NUP210L: variants seen among roughly 807,000 people sequenced by gnomAD.
The protein encoded by NUP210L is nucleoporin 210 like.
In NUP210L, 74 loss-of-function variants were observed where a neutral mutation model predicts 208.5. That is an observed-to-expected ratio of 0.35 (90% CI 0.29 to 0.43). The LOEUF (loss-of-function observed/expected upper bound fraction) is 0.43, where lower values mean the gene tolerates loss of function less well. Among genes scored for constraint, NUP210L ranks in the 20% least tolerant of loss-of-function variants. The pLI is 1.00. For synonymous variants in NUP210L, 780 were observed against 816.9 expected, an observed-to-expected ratio of 0.95 and a Z score of 0.77; for missense variants, 1,843 against 2,289.4, an observed-to-expected ratio of 0.81 and a Z score of 3.98.
At chr1:154,116,984 C>T (rs1300929942) in intron 12 of NUP210L, among the ~76,000 whole-genome samples, 2 of 152,130 alleles carry the variant, frequency 1.3e-5, no homozygotes, top group Admixed American at 1.3e-4. Flanking sequence ...TTTCAGTGAT[C>T]ATGTCTATAG....
At chr1:154,032,157 A>G (rs2147945563) in intron 27 of NUP210L, among the ~76,000 whole-genome samples, 1 of 152,328 alleles carries the variant, frequency 6.6e-6, no homozygotes, top group Admixed American at 6.5e-5. Context: ...TAGTGCTGCA[A>G]TAAATATGAG....
At chr1:154,068,978 TAATAA>T (rs770514394) in intron 17 of NUP210L, among the ~76,000 whole-genome samples, 1 of 151,904 alleles carries the variant, frequency 6.6e-6, no homozygotes, top group Non-Finnish European at 1.5e-5. Flanking sequence ...AGTATAATAA[TAATAA>T]AATAAAAAAA....
chr1:154,085,342 T>C (rs1658389561), intron 16 of NUP210L, among the ~76,000 whole-genome samples: 1 of 150,092 alleles, frequency 6.7e-6, no homozygotes, highest in South Asian at 2.1e-4. Flanking sequence ...AGAGCAAGAC[T>C]CCATCTCAAA....
intron 38 of NUP210L, 61 bp from the exon 39 acceptor site, chr1:153,993,150 C>A: frequency 1.8e-6 from 2 of 1,107,886 alleles, no homozygotes; most frequent in South Asian, 2.8e-5. Flanking sequence ...AAGGCAAAGT[C>A]AACTCTAGAA....
chr1:154,140,666 C>CAAAAAAAAAAAAAAAAAAAAAAAAA (rs1434093544), intron 4 of NUP210L, among the ~76,000 whole-genome samples: 13 of 102,410 alleles, frequency 1.3e-4, no homozygotes, highest in Non-Finnish European at 2.4e-4. Flanking sequence ...GACTCCATCT[C>CAAAAAAAAAAAAAAAAAAAAAAAAA]AAAAAAAAAA....
In NUP210L at chr1:154,040,592, T is replaced by TC. The variant is rs535979739; in HGVS notation, c.3696+5476_3696+5477insG. Among the ~76,000 whole-genome samples, 267 of 140,418 alleles carry TC rather than the reference T, an allele frequency of 1.9e-3. 1 individual carries two copies. Among genetic ancestry groups the TC allele is most frequent in the African/African-American group, 7.1e-3 (257 of 36,398 alleles). The allele number at this position is 140,418 out of a possible 152,430, so 92.1% of individuals were successfully genotyped here. On this transcript the variant is annotated intron_variant, in intron 27 of 39. Transcript: ENST00000368559. Reference sequence around the variant, plus strand: ...AAGCCTCCCTAAGATTCTTTCTTTCTTTTTTTTTTTTTGAGATGGAGTCTC... The same window carrying TC: ...AAGCCTCCCTAAGATTCTTTCTTTCTCTTTTTTTTTTTTGAGATGGAGTCTC...
intron 2 of NUP210L, among the ~76,000 whole-genome samples, chr1:154,146,908 C>T (rs775221246): frequency 6.6e-6 from 1 of 152,078 alleles, no homozygotes; most frequent in Admixed American, 6.6e-5. Flanking sequence ...ACTGCAGCCT[C>T]GAACTCCTGG....
intron 27 of NUP210L, among the ~76,000 whole-genome samples, chr1:154,045,429 T>C (rs1280056745): frequency 6.6e-6 from 1 of 152,212 alleles, no homozygotes; most frequent in African/African-American, 2.4e-5. Flanking sequence ...ATATTCATAG[T>C]GTTACTCATC....
chr1:154,058,050 A>G, intron 22 of NUP210L, 39 bp downstream of exon 22: 1 of 1,611,430 alleles, frequency 6.2e-7, no homozygotes, highest in South Asian at 1.1e-5. Context: ...GAGTCTTATG[A>G]TATGCAGAGT....
exon 34 of NUP210L, chr1:154,012,325 T>G: frequency 1.2e-6 from 2 of 1,613,874 alleles, no homozygotes; most frequent in Non-Finnish European, 1.7e-6. Flanking sequence ...AGATAAGTCT[T>G]GAGGTCATAA....
chr1:154,024,933 T>TG (rs1651779300), intron 30 of NUP210L, among the ~76,000 whole-genome samples: 1 of 88,198 alleles, frequency 1.1e-5, no homozygotes, highest in African/African-American at 3.4e-5. Flanking sequence ...TTTTTTTTTT[T>TG]TTTTTTTTTT....
chr1:154,007,271 A>AT (rs35804256), intron 35 of NUP210L, among the ~76,000 whole-genome samples: 1 of 150,090 alleles, frequency 6.7e-6, no homozygotes, highest in Non-Finnish European at 1.5e-5. Flanking sequence ...TTATATATAT[A>AT]TTTTTTTTGA....
chr1:154,042,603 A>G (rs1309606486), intron 27 of NUP210L, among the ~76,000 whole-genome samples: 5 of 144,138 alleles, frequency 3.5e-5, no homozygotes, highest in East Asian at 2.1e-4. Context: ...ATGTTTTTGT[A>G]TTTTTTAGTA....
At chr1:154,125,916 C>T (rs1047865056) in intron 10 of NUP210L, among the ~76,000 whole-genome samples, 3 of 150,804 alleles carry the variant, frequency 2.0e-5, no homozygotes, top group Admixed American at 6.6e-5. Flanking sequence ...TACAGGCGCC[C>T]GCCACCGCGC....
intron 8 of NUP210L, among the ~76,000 whole-genome samples, chr1:154,128,083 C>T (rs1166911144): frequency 1.3e-5 from 2 of 151,960 alleles, no homozygotes; most frequent in African/African-American, 4.8e-5. Flanking sequence ...ACACTGGTCT[C>T]GAACTCCTCA....
chr1:154,143,893 A>C lies in NUP210L; in HGVS notation c.341-316T>G, dbSNP rs1052266254. On this transcript the variant is annotated intron_variant, in intron 2 of 39. Transcript: ENST00000368559. The stretch of plus-strand genomic sequence containing the variant: ...AACAAATAAAAATTTTAAAATAGCG[A>C]ATAATAGGTCTTGCATGGTGGCTCA... 4.6e-5 allele frequency among the ~76,000 whole-genome samples: 7 copies of C among 152,286 alleles called. No individual in the cohort carries two copies. The East Asian group carries it at 1.4e-3, about 29-fold the overall frequency.
intron 16 of NUP210L, among the ~76,000 whole-genome samples, chr1:154,071,272 T>A (rs571044216): frequency 2.0e-4 from 31 of 151,986 alleles, no homozygotes; most frequent in African/African-American, 4.1e-4. Context: ...AACTTTTTTT[T>A]AATTTTTATT....
chr1:154,153,712 C>T (rs1659531029), intron 1 of NUP210L, among the ~76,000 whole-genome samples: 1 of 152,210 alleles, frequency 6.6e-6, no homozygotes, highest in Non-Finnish European at 1.5e-5. Context: ...TCCCAAAGTG[C>T]TGGGATTACA....
At chr1:154,136,822 C>T (rs1022452364) in intron 6 of NUP210L, among the ~76,000 whole-genome samples, 4 of 139,146 alleles carry the variant, frequency 2.9e-5, no homozygotes, top group African/African-American at 1.1e-4. Context: ...CGGGAGGCTG[C>T]GGCAGGAGAA....
Sources: allele counts gnomAD v4.1 joint callset (sites outside exome capture counted in the v4.1 genomes callset), GRCh38; gene constraint gnomAD v4.1.1; transcripts MANE v1.5; gene names NCBI Gene and HGNC (gene_info 2026-07-23, HGNC 2026-07-21).